TSGA10: variants seen among roughly 807,000 people sequenced by gnomAD.
TSGA10 encodes the protein testis specific 10.
A neutral mutation model predicts 96.6 loss-of-function variants in TSGA10; 43 were observed. The ratio of observed to expected loss-of-function variants is 0.44; its 90% CI spans 0.35 to 0.57. The LOEUF is 0.57. TSGA10 is among the 20% of genes least tolerant of loss of function. The probability of loss-of-function intolerance (pLI) is 0.01; values close to 1 mark genes in which losing one functional copy is unlikely to be tolerated. For synonymous variants in TSGA10, 229 were observed against 269.9 expected (o/e 0.85, Z 1.48); for missense variants, 703 against 834.4 (o/e 0.84, Z 1.94).
At chr2:99,137,001 CTTT>C (rs11430590) in intron 1 of TSGA10, among the ~76,000 whole-genome samples, 8 of 129,268 alleles carry the variant, frequency 6.2e-5, no homozygotes, top group Admixed American at 8.2e-5. Context: ...AACAGACTTC[CTTT>C]TTTTTTTTTT....
At chr2:99,151,701 CT>C (rs1490940072) in intron 1 of TSGA10, among the ~76,000 whole-genome samples, 3 of 152,142 alleles carry the variant, frequency 2.0e-5, no homozygotes, top group African/African-American at 7.2e-5. Flanking sequence ...TTTAAAACTG[CT>C]TTTTCCCCCC....
chr2:99,015,135 T>C (rs1273173836), intron 20 of TSGA10, among the ~76,000 whole-genome samples: 1 of 152,030 alleles, frequency 6.6e-6, no homozygotes, highest in African/African-American at 2.4e-5. Flanking sequence ...CCCTAAATCA[T>C]CCTATGAAGC....
rs1457901054 is a variant in TSGA10 at position 99,136,785 on chromosome 2, C to T, written c.-620-9609G>A. Reference sequence around the variant, plus strand: ...CTGCACTCCAGCCTGGGCGACAGAGCGAGACTCCATCTCAAAAAAAAAAAA... The same window carrying T: ...CTGCACTCCAGCCTGGGCGACAGAGTGAGACTCCATCTCAAAAAAAAAAAA... On this transcript the variant is annotated intron_variant, in intron 1 of 20. Coordinates refer to ENST00000393483, the MANE Select transcript of TSGA10 (RefSeq NM_025244.4). Among the ~76,000 whole-genome samples the T allele has an allele frequency of 3.2e-5, 3 of 93,726 alleles. 1 individual carries two copies. The highest frequency in any genetic ancestry group is 4.2e-5 in the Non-Finnish European group (2 of 47,382). The allele number at this position is 93,726 out of a possible 152,430, so 61.5% of individuals were successfully genotyped here.
intron 14 of TSGA10, 106 bp from the exon 15 acceptor site, chr2:99,069,104 A>G (rs1424295221): frequency 6.4e-6 from 3 of 471,996 alleles, no homozygotes; most frequent in Non-Finnish European, 1.1e-5. Context: ...TAAAATTAAC[A>G]TACCTAATAT....
chr2:99,152,458 G>C (rs1049077196), intron 1 of TSGA10, among the ~76,000 whole-genome samples: 1 of 152,134 alleles, frequency 6.6e-6, no homozygotes, highest in Admixed American at 6.6e-5. Flanking sequence ...GCATGTTTTT[G>C]TATTTTTTTA....
chr2:99,081,873 C>A (rs1222001824), intron 10 of TSGA10, among the ~76,000 whole-genome samples: 1 of 104,070 alleles, frequency 9.6e-6, no homozygotes, highest in Non-Finnish European at 2.1e-5. Flanking sequence ...TGCTGCTAGG[C>A]TCAGGAAAAT....
intron 16 of TSGA10, among the ~76,000 whole-genome samples, chr2:99,049,924 A>G (rs1377798699): frequency 6.6e-6 from 1 of 152,202 alleles, no homozygotes; most frequent in Non-Finnish European, 1.5e-5. Context: ...TGTAATTATA[A>G]AAGACAGTAT....
chr2:99,087,362 C>T (rs902189205), intron 10 of TSGA10, among the ~76,000 whole-genome samples: 1 of 151,838 alleles, frequency 6.6e-6, no homozygotes, highest in Admixed American at 6.6e-5. Context: ...CAAAATTAGC[C>T]TGGTGTAGTG....
chr2:99,143,401 C>T (rs905449702), intron 1 of TSGA10, among the ~76,000 whole-genome samples: 2 of 151,460 alleles, frequency 1.3e-5, no homozygotes, highest in Non-Finnish European at 2.9e-5. Flanking sequence ...CCTCATGATC[C>T]ACCCGCCTCA....
chr2:99,100,683 G>A (rs927622131), intron 10 of TSGA10, among the ~76,000 whole-genome samples: 1 of 151,924 alleles, frequency 6.6e-6, no homozygotes, highest in Non-Finnish European at 1.5e-5. Flanking sequence ...AGCCAGGCGC[G>A]GTGGCGGGCG....
chr2:99,096,561 C>T (rs956769968), intron 10 of TSGA10, among the ~76,000 whole-genome samples: 1 of 152,216 alleles, frequency 6.6e-6, no homozygotes, highest in Non-Finnish European at 1.5e-5. Flanking sequence ...ACAGCTATTT[C>T]TTCCTTAATT....
At chr2:99,006,131 C>T (rs555286154) in intron 20 of TSGA10, among the ~76,000 whole-genome samples, 2 of 152,270 alleles carry the variant, frequency 1.3e-5, no homozygotes, top group South Asian at 2.1e-4. Flanking sequence ...ACACCTTATA[C>T]AAAAATTAAT....
chr2:99,024,128 G>A (rs2080314689), intron 17 of TSGA10, among the ~76,000 whole-genome samples: 1 of 150,480 alleles, frequency 6.6e-6, no homozygotes, highest in African/African-American at 2.5e-5. Context: ...GTCTTGCTCT[G>A]TCACCAGGCA....
At chr2:99,030,819 C>T (rs2081066059) in intron 17 of TSGA10, among the ~76,000 whole-genome samples, 2 of 152,030 alleles carry the variant, frequency 1.3e-5, no homozygotes, top group South Asian at 4.1e-4. Context: ...AACTTGCATG[C>T]TGAAAACTAC....
chr2:99,091,207 GACAA>G (rs928468134), intron 10 of TSGA10, among the ~76,000 whole-genome samples: 25 of 152,108 alleles, frequency 1.6e-4, no homozygotes, highest in African/African-American at 5.3e-4. Flanking sequence ...GTCTTTTTCA[GACAA>G]ACAAATGCAG....
intron 20 of TSGA10, among the ~76,000 whole-genome samples, chr2:99,009,646 T>C (rs933219631): frequency 6.6e-6 from 1 of 151,712 alleles, no homozygotes; most frequent in East Asian, 1.9e-4. Context: ...TTTGAAACTA[T>C]TGTAGATGCA....
At chr2:99,091,429 C>A (rs2089320096) in intron 10 of TSGA10, among the ~76,000 whole-genome samples, 1 of 152,048 alleles carries the variant, frequency 6.6e-6, no homozygotes, top group African/African-American at 2.4e-5. Flanking sequence ...GTAAATAGCA[C>A]AATGAATAGA....
intron 10 of TSGA10, among the ~76,000 whole-genome samples, chr2:99,097,100 T>G (rs2090141493): frequency 6.6e-6 from 1 of 152,074 alleles, no homozygotes; most frequent in African/African-American, 2.4e-5. Context: ...ATAAGGAAAC[T>G]ATCTGGAGGG....
At chr2:99,006,170 G>C (rs2078451111) in intron 20 of TSGA10, among the ~76,000 whole-genome samples, 1 of 152,158 alleles carries the variant, frequency 6.6e-6, no homozygotes, top group African/African-American at 2.4e-5. Flanking sequence ...TTACATGTTT[G>C]ACCTAAAACC....
Sources: gnomAD v4.1 joint callset for allele counts (sites outside exome capture counted in the v4.1 genomes callset) on GRCh38, gnomAD v4.1.1 for gene constraint, MANE v1.5 for transcripts, NCBI Gene and HGNC (gene_info 2026-07-23, HGNC 2026-07-21) for gene names.